ASCC2: variants seen among roughly 807,000 people sequenced by gnomAD.
ASCC2 encodes activating signal cointegrator 1 complex subunit 2.
A neutral mutation model predicts 93.5 loss-of-function variants in ASCC2; 42 were observed. That is an observed-to-expected ratio of 0.45 (90% CI 0.35 to 0.58). ASCC2 has a LOEUF of 0.58. ASCC2 is among the 20% of genes least tolerant of loss of function. The pLI is 0.00. For missense variants in ASCC2, 859 were observed against 977.6 expected (o/e 0.88, Z 1.62); for synonymous variants, 364 against 384.2 (o/e 0.95, Z 0.62).
intron 5 of ASCC2, among the ~76,000 whole-genome samples, chr22:29,817,809 A>C (rs957754613): frequency 6.6e-6 from 1 of 152,208 alleles, no homozygotes; most frequent in Non-Finnish European, 1.5e-5. Flanking sequence ...TAAAGAAATA[A>C]TAAAAATGTA....
At chr22:29,812,967 C>T (rs183773508) in intron 8 of ASCC2, among the ~76,000 whole-genome samples, 251 of 152,046 alleles carry the variant, frequency 1.7e-3, no homozygotes, top group African/African-American at 5.5e-3. Flanking sequence ...CTGCAACCTC[C>T]GCCACCTGGG....
intron 11 of ASCC2, 55 bp downstream of exon 11, chr22:29,806,430 C>T: frequency 6.3e-7 from 1 of 1,591,702 alleles, no homozygotes; most frequent in South Asian, 1.1e-5. Flanking sequence ...TCATGTAAGG[C>T]CTCTTGGGGA....
intron 8 of ASCC2, among the ~76,000 whole-genome samples, chr22:29,809,428 G>A (rs572335830): frequency 2.0e-5 from 3 of 152,044 alleles, no homozygotes; most frequent in Admixed American, 1.3e-4. Flanking sequence ...GGGCTCAAGC[G>A]ATCTTCCTGC....
chr22:29,825,599 C>T lies in ASCC2; in HGVS notation c.240+23G>A, dbSNP rs754405623. 4 of 1,614,048 alleles carry T rather than the reference C, an allele frequency of 2.5e-6. No individual in the cohort carries two copies. The highest frequency in any genetic ancestry group is 1.7e-6 in the Non-Finnish European group (2 of 1,179,946). On this transcript the variant is annotated intron_variant, in intron 3 of 19. Transcript: ENST00000307790. The surrounding 1 kb of genome is among the most constrained non-coding windows in gnomAD (Gnocchi z 4.9). ...TGGCATGTCATGTGCTTTGTCTTAG[C>T]GTTAATTTTGATAGAATGTTACCTG...
At chr22:29,808,327 T>G (rs1433417752) in intron 8 of ASCC2, 142 bp from the exon 9 acceptor site, 1 of 824,592 alleles carries the variant, frequency 1.2e-6, no homozygotes, top group Non-Finnish European at 1.9e-6. Context: ...GGTTCTTCCC[T>G]GAGCTCACCC....
At chr22:29,833,160 C>T (rs1035441053) in intron 1 of ASCC2, among the ~76,000 whole-genome samples, 2 of 152,176 alleles carry the variant, frequency 1.3e-5, no homozygotes. Flanking sequence ...GCTCAGTAGC[C>T]TGTGAGCTCT....
intron 6 of ASCC2, 75 bp downstream of exon 6, chr22:29,815,931 G>A: frequency 2.3e-6 from 3 of 1,291,130 alleles, no homozygotes; most frequent in Middle Eastern, 1.9e-4. Context: ...AGGAAAGTCA[G>A]GCAACACCAT....
intron 13 of ASCC2, 110 bp downstream of exon 13, chr22:29,804,528 T>C: frequency 7.1e-7 from 1 of 1,414,448 alleles, no homozygotes; most frequent in South Asian, 1.3e-5. Context: ...CCAAAAAAAC[T>C]TTTTCCCTGA....
chr22:29,804,526 A>C (rs1601917635), intron 13 of ASCC2, 112 bp downstream of exon 13: 1 of 1,350,286 alleles, frequency 7.4e-7, no homozygotes, highest in Non-Finnish European at 1.0e-6. Context: ...CCCCAAAAAA[A>C]CTTTTTCCCT....
chr22:29,792,610 G>T, intron 17 of ASCC2, 75 bp from the exon 18 acceptor site: 2 of 1,591,364 alleles, frequency 1.3e-6, no homozygotes, highest in Non-Finnish European at 1.7e-6. Flanking sequence ...GAGGGAACCT[G>T]GTTGGGTGAG....
chr22:29,825,397 T>C lies in ASCC2; in HGVS notation c.241-140A>G. The C allele has an allele frequency of 8.2e-7, 1 of 1,218,524 alleles. No homozygotes were observed. The allele number at this position is 1,218,524 out of a possible 1,614,324, so 75.5% of individuals were successfully genotyped here. The stretch of plus-strand genomic sequence containing the variant: ...CCCCAAGGGACCAAGGAGGTATGAA[T>C]GAGCCAAGGGCTAAACACAAGATTC... On this transcript the variant is annotated intron_variant, in intron 3 of 19. Transcript: ENST00000307790. This position sits in a 1 kb window ranked among gnomAD's most constrained non-coding sequence, Gnocchi z 4.9.
intron 18 of ASCC2, among the ~76,000 whole-genome samples, chr22:29,791,095 G>A (rs892614408): frequency 1.3e-5 from 2 of 152,168 alleles, no homozygotes; most frequent in African/African-American, 4.8e-5. Flanking sequence ...AAAAAAAAAG[G>A]CCAGACACTG....
rs2060500791 is a variant in ASCC2 at position 29,813,424 on chromosome 22, C to T, written c.833+6G>A. The T allele has an allele frequency of 1.3e-6, 2 of 1,583,634 alleles. No individual in the cohort carries two copies. Among genetic ancestry groups the T allele is most frequent in the Admixed American group, 1.7e-5 (1 of 59,982 alleles). The stretch of plus-strand genomic sequence containing the variant: ...TCTATTTCAACAGCCAGAACTACCG[C>T]CTTACCTGTAACAAAAGTCGTGCTT... On this transcript the variant is annotated splice_donor_region_variant and intron_variant, in intron 8 of 19. Transcript: ENST00000307790.
intron 17 of ASCC2, 63 bp from the exon 18 acceptor site, chr22:29,792,598 A>G (rs2057892693): frequency 6.2e-7 from 1 of 1,603,308 alleles, no homozygotes; most frequent in South Asian, 1.1e-5. Flanking sequence ...AGCCACAAGG[A>G]GGAGGGAACC....
At position 29,825,088 on chromosome 22, in the gene ASCC2, T is replaced by C. The variant is rs115926090; in HGVS notation, c.410A>G (p.Lys137Arg). The C allele has an allele frequency of 4.3e-5, 64 of 1,474,906 alleles. No homozygotes were observed. The African/African-American group carries it at 8.2e-4, about 19-fold the overall frequency. The allele number at this position is 1,474,906 out of a possible 1,614,324, so 91.4% of individuals were successfully genotyped here. ...CCTGTCATGGGATCAGTGGCTTACT[T>C]TGGATTCCTTGTGAGTGGACATGCG... ...FLRMSTHKES[K>R]DHFISPSAFG... Residue 137 changes from lysine (K) to arginine (R), a missense_variant and splice_region_variant, in exon 4 of 20, where the codon AAA (lysine) becomes AGA (arginine). Transcript: ENST00000307790. This position sits in a 1 kb window ranked among gnomAD's most constrained non-coding sequence, Gnocchi z 4.9.
chr22:29,790,378 A>T, intron 19 of ASCC2, 91 bp downstream of exon 19: 1 of 1,249,182 alleles, frequency 8.0e-7, no homozygotes, highest in Non-Finnish European at 1.2e-6. Flanking sequence ...TGGAGCACTT[A>T]GGGTGTACGT....
chr22:29,807,036 T>C (rs1442462447), intron 9 of ASCC2, 132 bp from the exon 10 acceptor site: 11 of 652,606 alleles, frequency 1.7e-5, no homozygotes, highest in East Asian at 2.8e-5. Context: ...CCCCAGGAGT[T>C]TGAGACCAGC....
chr22:29,823,585 C>T (rs1282489414), intron 4 of ASCC2, among the ~76,000 whole-genome samples: 4 of 152,076 alleles, frequency 2.6e-5, no homozygotes, highest in Admixed American at 6.5e-5. Context: ...CGATGGCTCG[C>T]GCCGGTAATC....
At chr22:29,821,566 G>C (rs1170122259) in intron 5 of ASCC2, among the ~76,000 whole-genome samples, 1 of 152,240 alleles carries the variant, frequency 6.6e-6, no homozygotes, top group Non-Finnish European at 1.5e-5. Flanking sequence ...AACATATGTG[G>C]AGTGCTTGGC....
Sources: gnomAD v4.1 joint callset for allele counts (sites outside exome capture counted in the v4.1 genomes callset) on GRCh38, gnomAD v4.1.1 for gene constraint, Gnocchi (gnomAD v3.1) non-coding constraint, MANE v1.5 for transcripts, NCBI Gene and HGNC (gene_info 2026-07-23, HGNC 2026-07-21) for gene names.